TJP3: variants seen among roughly 807,000 people sequenced by gnomAD.
TJP3 encodes the protein tight junction protein ZO-3.
TJP3 carries 85 observed loss-of-function variants against 104.2 expected under a neutral mutation model. The observed-to-expected ratio is 0.82, with a 90% CI of 0.68 to 0.98. The LOEUF (loss-of-function observed/expected upper bound fraction) is 0.98. Ranked by LOEUF, TJP3 falls within the 50% of genes least tolerant of loss-of-function variation. TJP3 has a pLI of 0.00. For missense variants in TJP3, 1,367 were observed against 1,322.8 expected (o/e 1.03, Z -0.52); for synonymous variants, 550 against 550.6 (o/e 1.00, Z 0.02).
chr19:3,735,124 C>A (rs1449528092), intron 8 of TJP3, among the ~76,000 whole-genome samples: 1 of 152,086 alleles, frequency 6.6e-6, no homozygotes, highest in South Asian at 2.1e-4. Flanking sequence ...CCTCAGCCTC[C>A]CAAAGTGCTG....
Position 3,730,402 on chromosome 19 carries a change from C to T in TJP3, c.309C>T (p.Ser103=). The T allele has an allele frequency of 2.6e-6, 4 of 1,567,270 alleles. No homozygotes were observed. The highest frequency in any genetic ancestry group is 1.9e-5 in the Admixed American group (1 of 51,378). Residue 103 remains serine (S), a synonymous_variant, in exon 5 of 21, where the codon AGC becomes AGT. Coordinates refer to ENST00000541714, the MANE Select transcript of TJP3 (RefSeq NM_001267560.2). The surrounding 1 kb of genome is among the most constrained non-coding windows in gnomAD (Gnocchi z 7.3). ...RRIHLPATKA[S]PSSPGRQDSD... ...TCCACCTGCCCGCCACCAAAGCCAG[C>T]CCCTCCAGCCCAGGGCGCCAGGACT...
At chr19:3,748,158 G>C (rs1189153051) in intron 19 of TJP3, 77 bp downstream of exon 19, 2 of 1,445,424 alleles carry the variant, frequency 1.4e-6, no homozygotes, top group Admixed American at 2.7e-5. Flanking sequence ...CACACTGGGA[G>C]CCTGTTTTCT....
intron 12 of TJP3, 63 bp from the exon 13 acceptor site, chr19:3,738,834 G>C: frequency 6.8e-7 from 1 of 1,465,874 alleles, no homozygotes. Flanking sequence ...CCCACTCTCG[G>C]GTGGGGAGGG....
Position 3,735,561 on chromosome 19 carries a change from A to C in TJP3, c.987-5A>C, listed in dbSNP as rs533889094. On this transcript the variant is annotated splice_region_variant and splice_polypyrimidine_tract_variant and intron_variant, in intron 8 of 20. Coordinates refer to ENST00000541714, the MANE Select transcript of TJP3 (RefSeq NM_001267560.2). Reference sequence around the variant, plus strand: ...CTGCCTCACTCCCAATCTGTTCCCCACCAGGGAGAGTCCCCGGCTTCGGCG... The same window carrying C: ...CTGCCTCACTCCCAATCTGTTCCCCCCCAGGGAGAGTCCCCGGCTTCGGCG... 1 of 1,614,058 alleles carries C rather than the reference A, an allele frequency of 6.2e-7. No homozygotes were observed. The highest frequency in any genetic ancestry group is 8.5e-7 in the Non-Finnish European group (1 of 1,179,976).
In TJP3 at chr19:3,718,764, G is replaced by A. The variant is rs145108864; in HGVS notation, c.-9-9660G>A. 4.1e-3 allele frequency among the ~76,000 whole-genome samples: 625 copies of A among 152,078 alleles called. 2 individuals are homozygous for A. The highest frequency in any genetic ancestry group is 6.4e-3 in the Non-Finnish European group (436 of 68,016). On this transcript the variant is annotated intron_variant, in intron 1 of 20. Transcript: ENST00000541714. Reference sequence around the variant, plus strand: ...CCAGTCCCCTGCAGAACCCCTGTCCGATTTTGCCAGACCTAAGCAGAGACT... The same window carrying A: ...CCAGTCCCCTGCAGAACCCCTGTCCAATTTTGCCAGACCTAAGCAGAGACT...
intron 1 of TJP3, chr19:3,721,932 G>T: frequency 8.2e-7 from 1 of 1,213,364 alleles, no homozygotes; most frequent in South Asian, 4.2e-5. Context: ...TCCAAGGGTG[G>T]CAGGGGGAGG....
intron 3 of TJP3, among the ~76,000 whole-genome samples, chr19:3,729,781 C>CAAAAAAAAA (rs35091592): frequency 8.3e-6 from 1 of 120,590 alleles, no homozygotes. Flanking sequence ...GACTCTGTCT[C>CAAAAAAAAA]AAAAAAAAAA....
intron 1 of TJP3, among the ~76,000 whole-genome samples, chr19:3,717,826 T>C (rs1221224378): frequency 6.6e-6 from 1 of 150,938 alleles, no homozygotes; most frequent in Non-Finnish European, 1.5e-5. Flanking sequence ...CATGACTTAC[T>C]GCAGCCTCCA....
chr19:3,715,952 T>C (rs1439689826), intron 1 of TJP3, among the ~76,000 whole-genome samples: 1 of 151,750 alleles, frequency 6.6e-6, no homozygotes, highest in Non-Finnish European at 1.5e-5. Flanking sequence ...CTAATTTTTG[T>C]ATTTTTAGTA....
chr19:3,713,353 G>A (rs2145662051), intron 1 of TJP3, among the ~76,000 whole-genome samples: 1 of 152,320 alleles, frequency 6.6e-6, no homozygotes, highest in Non-Finnish European at 1.5e-5. Context: ...CTAGTCATGA[G>A]GGAAACAGCT....
At chr19:3,722,026 A>G in intron 1 of TJP3, 1 of 516,230 alleles carries the variant, frequency 1.9e-6, no homozygotes, top group Non-Finnish European at 3.0e-6. Flanking sequence ...CATAACAGGC[A>G]GGGAAACTGA....
Position 3,730,196 on chromosome 19 carries a change from G to A in TJP3, c.261+66G>A. On this transcript the variant is annotated intron_variant, in intron 4 of 20. Transcript: ENST00000541714. The surrounding 1 kb of genome is among the most constrained non-coding windows in gnomAD (Gnocchi z 7.3). The stretch of plus-strand genomic sequence containing the variant: ...CAGCCTGGGTCGTGCCGCTGTGGGG[G>A]TTGTAAGCTTCTGAGAGCAAGGAGT... The A allele has an allele frequency of 1.3e-6, 2 of 1,563,606 alleles. No homozygotes were observed. The highest frequency in any genetic ancestry group is 1.8e-6 in the Non-Finnish European group (2 of 1,135,606).
chr19:3,718,362 CGT>C (rs1568378296), intron 1 of TJP3, among the ~76,000 whole-genome samples: 2 of 150,068 alleles, frequency 1.3e-5, no homozygotes, highest in Non-Finnish European at 3.0e-5. Flanking sequence ...GGACTACAAG[CGT>C]GAGCCACTGT....
chr19:3,740,436 T>A, intron 13 of TJP3, 116 bp from the exon 14 acceptor site: 2 of 472,556 alleles, frequency 4.2e-6, no homozygotes, highest in Non-Finnish European at 7.0e-6. Flanking sequence ...ATCTGCAGAG[T>A]CCCTTTTGCC....
In TJP3 at chr19:3,731,928, C is replaced by G. The variant is rs533004664; in HGVS notation, c.614-7C>G. 3 of 1,612,088 alleles carry G rather than the reference C, an allele frequency of 1.9e-6. No individual in the cohort carries two copies. The highest frequency in any genetic ancestry group is 2.5e-6 in the Non-Finnish European group (3 of 1,178,872). Reference sequence around the variant, plus strand: ...CCTGCCTCAGTTTCCCTCCTCCCCCCTTACAGAGTTTGGCGTCAAGCTGGG... The same window carrying G: ...CCTGCCTCAGTTTCCCTCCTCCCCCGTTACAGAGTTTGGCGTCAAGCTGGG... On this transcript the variant is annotated splice_polypyrimidine_tract_variant and splice_region_variant and intron_variant, in intron 5 of 20. Coordinates refer to ENST00000541714, the MANE Select transcript of TJP3 (RefSeq NM_001267560.2).
Position 3,720,901 on chromosome 19 carries a change from C to CTTTT in TJP3, c.-9-7507_-9-7504dup, listed in dbSNP as rs370206267. Among the ~76,000 whole-genome samples the CTTTT allele has an allele frequency of 2.1e-3, 244 of 114,336 alleles. 6 individuals carry two copies. Among genetic ancestry groups the CTTTT allele is most frequent in the African/African-American group, 3.1e-3 (93 of 29,924 alleles). The allele number at this position is 114,336 out of a possible 152,430, so 75.0% of individuals were successfully genotyped here. A position where few individuals can be genotyped will look rare whatever the true frequency, so the allele number is the denominator to read the frequency against. On this transcript the variant is annotated intron_variant, in intron 1 of 20. Transcript: ENST00000541714. Reference sequence around the variant, plus strand: ...TTCCCTTCTTTCCTTCCTTCCTTTTCTTTTTTTTTTTTTTTTTTTGAGACA... The same window carrying CTTTT: ...TTCCCTTCTTTCCTTCCTTCCTTTTCTTTTTTTTTTTTTTTTTTTTTTTGAGACA...
chr19:3,726,188 C>T (rs1378513839), intron 1 of TJP3, among the ~76,000 whole-genome samples: 1 of 152,246 alleles, frequency 6.6e-6, no homozygotes, highest in East Asian at 1.9e-4. Flanking sequence ...CTCCACCTGT[C>T]CCCTGCCTGG....
At chr19:3,741,094 T>A (rs575901491) in intron 14 of TJP3, among the ~76,000 whole-genome samples, 4 of 152,162 alleles carry the variant, frequency 2.6e-5, no homozygotes, top group Non-Finnish European at 4.4e-5. Context: ...CCTGCCTCCC[T>A]GATTCAAGCG....
At chr19:3,724,347 C>T (rs2036576136) in intron 1 of TJP3, among the ~76,000 whole-genome samples, 2 of 152,136 alleles carry the variant, frequency 1.3e-5, no homozygotes, top group South Asian at 2.1e-4. Flanking sequence ...AGGCGCCGGC[C>T]ACCACGCCCT....
Sources: gnomAD v4.1 joint callset for allele counts (sites outside exome capture counted in the v4.1 genomes callset) on GRCh38, gnomAD v4.1.1 for gene constraint, Gnocchi (gnomAD v3.1) non-coding constraint, MANE v1.5 for transcripts, NCBI Gene and HGNC (gene_info 2026-07-23, HGNC 2026-07-21) for gene names.